Variants in PAPOLA observed in about 807,000 individuals in gnomAD.
PAPOLA encodes the protein polynucleotide adenylyltransferase alpha.
In PAPOLA, 15 loss-of-function variants were observed where a neutral mutation model predicts 100.6. The observed-to-expected ratio is 0.15, with a 90% CI of 0.10 to 0.23. The LOEUF is 0.23. PAPOLA is among the 10% of genes least tolerant of loss of function. PAPOLA has a pLI of 1.00. For missense variants in PAPOLA, 533 were observed against 884.2 expected (o/e 0.60, Z 5.04); for synonymous variants, 293 against 300.0 (o/e 0.98, Z 0.24).
chr14:96,565,712 T>C lies in PAPOLA; in HGVS notation c.*662T>C. The C allele has an allele frequency of 2.5e-6, 1 of 397,888 alleles. No individual in the cohort carries two copies. Among genetic ancestry groups the C allele is most frequent in the Non-Finnish European group, 4.4e-6 (1 of 225,506 alleles). The allele number at this position is 397,888 out of a possible 1,614,324, so 24.6% of individuals were successfully genotyped here. ...TCATGATTAAGAAATGATATATTGGTTTTATTTATGGAATTGTTTTATAGT... is the reference window on the plus strand; with the variant it reads ...TCATGATTAAGAAATGATATATTGGCTTTATTTATGGAATTGTTTTATAGT... On this transcript the variant is annotated 3_prime_UTR_variant, in exon 22 of 22. Coordinates refer to ENST00000216277, the MANE Select transcript of PAPOLA (RefSeq NM_032632.5).
chr14:96,527,617 C>A (rs1005083328), intron 5 of PAPOLA, 78 bp downstream of exon 5: 11 of 791,962 alleles, frequency 1.4e-5, no homozygotes, highest in Non-Finnish European at 1.9e-5. Context: ...ATGATATAGC[C>A]ATCATTTATT....
Position 96,531,500 on chromosome 14 carries a change from C to A in PAPOLA, c.521C>A (p.Ala174Glu). Residue 174 changes from alanine (A) to glutamate (E), a missense_variant, in exon 7 of 22, where the codon GCA becomes GAA. Around this residue, in one of 9 missense-constraint regions of PAPOLA, gnomAD observed 33 missense variants for 39.2 expected, o/e 0.84. Transcript: ENST00000216277. ...IEIDILFARL[A>E]LQTIPEDLDL... ...ATTGATATTTTGTTTGCAAGATTAGCACTGCAGACAATTCCTGAAGATTTG... is the reference window on the plus strand; with the variant it reads ...ATTGATATTTTGTTTGCAAGATTAGAACTGCAGACAATTCCTGAAGATTTG... 6.2e-7 allele frequency: 1 copy of A among 1,609,286 alleles called. No individual in the cohort carries two copies.
At chr14:96,542,353 C>A in intron 13 of PAPOLA, 57 bp downstream of exon 13, 3 of 1,014,832 alleles carry the variant, frequency 3.0e-6, no homozygotes, top group South Asian at 1.3e-5. Context: ...ATCACATAGC[C>A]ACTGAACACA....
intron 19 of PAPOLA, among the ~76,000 whole-genome samples, chr14:96,557,570 T>G (rs1365010432): frequency 2.5e-5 from 2 of 78,666 alleles, no homozygotes; most frequent in East Asian, 5.3e-4. Flanking sequence ...TTTCATTGTG[T>G]TTTTTTTTTT....
intron 17 of PAPOLA, 83 bp downstream of exon 17, chr14:96,552,705 C>G: frequency 3.2e-6 from 4 of 1,240,268 alleles, no homozygotes; most frequent in South Asian, 1.6e-5. Context: ...TTAAAGTCAT[C>G]TATTTAGAAT....
intron 16 of PAPOLA, 81 bp downstream of exon 16, chr14:96,547,999 C>A: frequency 8.2e-7 from 1 of 1,217,784 alleles, no homozygotes; most frequent in South Asian, 1.5e-5. Flanking sequence ...AGAATTTAGG[C>A]TCAGTTAATA....
rs61983071 is a variant in PAPOLA at position 96,528,972 on chromosome 14, A to G, written c.495+966A>G. On this transcript the variant is annotated intron_variant, in intron 6 of 21. Transcript: ENST00000216277. ...GTATAAGTTGAGGCCTCATTTTCCTAAAAAGAATATTACTGACAAAGAGGA... is the reference window on the plus strand; with the variant it reads ...GTATAAGTTGAGGCCTCATTTTCCTGAAAAGAATATTACTGACAAAGAGGA... Among the ~76,000 whole-genome samples, 634 of 152,318 alleles carry G rather than the reference A, an allele frequency of 4.2e-3. 2 individuals carry two copies. Among genetic ancestry groups the G allele is most frequent in the Non-Finnish European group, 6.9e-3 (468 of 68,024 alleles).
rs1325860824 is a variant in PAPOLA, at chr14:96,565,414, A to G, written c.*364A>G. 4 of 320,950 alleles carry G rather than the reference A, an allele frequency of 1.2e-5. No homozygotes were observed. The highest frequency in any genetic ancestry group is 2.3e-5 in the Non-Finnish European group (4 of 176,296). The allele number at this position is 320,950 out of a possible 1,614,324, so 19.9% of individuals were successfully genotyped here. On this transcript the variant is annotated 3_prime_UTR_variant, in exon 22 of 22. Transcript: ENST00000216277. The stretch of plus-strand genomic sequence containing the variant: ...GGCATAAGAATTACTTATTCTGATG[A>G]TGCACTTTTATGTATTTTTCATTAG...
At chr14:96,542,727 T>G in intron 13 of PAPOLA, 47 bp from the exon 14 acceptor site, 1 of 1,556,994 alleles carries the variant, frequency 6.4e-7, no homozygotes, top group Admixed American at 2.2e-5. Context: ...TTATTTATTT[T>G]TAAGTTAACC....
chr14:96,552,420 C>A, intron 16 of PAPOLA, 60 bp from the exon 17 acceptor site: 2 of 1,436,094 alleles, frequency 1.4e-6, no homozygotes, highest in East Asian at 4.6e-5. Context: ...AAAAGGTTTC[C>A]ATGTTTCAAC....
chr14:96,532,834 G>A, intron 9 of PAPOLA, 185 bp downstream of exon 9: 1 of 1,329,260 alleles, frequency 7.5e-7, no homozygotes, highest in Admixed American at 3.7e-5. Context: ...TCCCTAGTTT[G>A]GCCAGGATAG....
intron 11 of PAPOLA, among the ~76,000 whole-genome samples, chr14:96,536,282 T>C (rs939609112): frequency 4.6e-5 from 7 of 152,118 alleles, no homozygotes; most frequent in Non-Finnish European, 8.8e-5. Context: ...GATAACAGTT[T>C]GTCTACACTG....
At chr14:96,534,664 A>C in intron 10 of PAPOLA, 101 bp downstream of exon 10, 1 of 1,591,032 alleles carries the variant, frequency 6.3e-7, no homozygotes, top group Non-Finnish European at 8.6e-7. Flanking sequence ...TTACTTATGA[A>C]TGGTCATGTC....
Position 96,559,596 on chromosome 14 carries a change from T to TATATATATATATATAC in PAPOLA, c.2005-1052_2005-1051insTATATATATATATACA, listed in dbSNP as rs1426338442. On this transcript the variant is annotated intron_variant, in intron 19 of 21. Coordinates refer to ENST00000216277, the MANE Select transcript of PAPOLA (RefSeq NM_032632.5). ...CTCTCTCTCTCTATATATATATATA[T>TATATATATATATATAC]ACACACACACATATATATATGTATA... Among the ~76,000 whole-genome samples the TATATATATATATATAC allele has an allele frequency of 6.9e-5, 10 of 145,538 alleles. No individual in the cohort carries two copies. In the South Asian group the frequency reaches 8.9e-4, roughly 13 times the overall value.
chr14:96,564,855 T>G (rs1902152880), intron 21 of PAPOLA, 100 bp from the exon 22 acceptor site: 7 of 683,394 alleles, frequency 1.0e-5, no homozygotes, highest in Non-Finnish European at 1.9e-5. Flanking sequence ...AATACTTTTC[T>G]TCTTAGAAGG....
At position 96,565,938 on chromosome 14, in the gene PAPOLA, AT is replaced by A; in HGVS notation, c.*892del. ...ACTTCGTAAGAAACAAAATGCCAGT[AT>A]TTTCTTAAGCCATGATGTGAAACCA... On this transcript the variant is annotated 3_prime_UTR_variant, in exon 22 of 22. Transcript: ENST00000216277. 1 of 398,454 alleles carries A rather than the reference AT, an allele frequency of 2.5e-6. No homozygotes were observed. Among genetic ancestry groups the A allele is most frequent in the East Asian group, 3.6e-5 (1 of 28,058 alleles). The allele number at this position is 398,454 out of a possible 1,614,324, so 24.7% of individuals were successfully genotyped here.
chr14:96,502,781 G>C, intron 1 of PAPOLA, 181 bp downstream of exon 1: 1 of 605,224 alleles, frequency 1.7e-6, no homozygotes, highest in Non-Finnish European at 2.7e-6. Flanking sequence ...TTCCCCCCGT[G>C]TGCTGGGTTC....
At chr14:96,560,564 T>C (rs1392272993) in intron 19 of PAPOLA, 85 bp from the exon 20 acceptor site, 8 of 847,886 alleles carry the variant, frequency 9.4e-6, no homozygotes, top group Non-Finnish European at 1.6e-5. Context: ...ATTTTATAGT[T>C]TTAAAGTTTA....
intron 18 of PAPOLA, 32 bp downstream of exon 18, chr14:96,555,979 T>A (rs1471317341): frequency 7.1e-7 from 1 of 1,415,252 alleles, no homozygotes; most frequent in South Asian, 1.2e-5. Context: ...GGTTTGAGAA[T>A]TCTTACATTA....
Sources: gnomAD v4.1 joint callset for allele counts (sites outside exome capture counted in the v4.1 genomes callset) on GRCh38, gnomAD v4.1.1 for gene constraint, gnomAD v4.1.1 regional missense constraint, MANE v1.5 for transcripts, NCBI Gene and HGNC (gene_info 2026-07-23, HGNC 2026-07-21) for gene names.